IQCM: variants seen among roughly 807,000 people sequenced by gnomAD.
The protein encoded by IQCM is IQ domain-containing protein M.
In IQCM, 45 loss-of-function variants were observed where a neutral mutation model predicts 57.6. That is an observed-to-expected ratio of 0.78 (90% CI 0.62 to 1.00). The LOEUF (loss-of-function observed/expected upper bound fraction) is 1.00, where lower values mean the gene tolerates loss of function less well. Among genes scored for constraint, IQCM ranks in the 50% least tolerant of loss-of-function variants. The probability of loss-of-function intolerance (pLI) is 0.00; values close to 1 mark genes in which losing one functional copy is unlikely to be tolerated. For missense variants in IQCM, 468 were observed against 511.6 expected, an observed-to-expected ratio of 0.91 and a Z score of 0.82; for synonymous variants, 148 against 158.9, an observed-to-expected ratio of 0.93 and a Z score of 0.51.
At position 149,797,289 on chromosome 4, in the gene IQCM, C is replaced by T. The variant is rs372594434; in HGVS notation, c.-49+18022G>A. 9.2e-5 allele frequency among the ~76,000 whole-genome samples: 14 copies of T among 151,996 alleles called. No individual in the cohort carries two copies. In the East Asian group the frequency reaches 2.5e-3, roughly 27 times the overall value. Reference sequence around the variant, plus strand: ...GGCATTTGGCATAATGAAGACTGCACCAGAGTTCTTTAGTAGCAGAACTGA... The same window carrying T: ...GGCATTTGGCATAATGAAGACTGCATCAGAGTTCTTTAGTAGCAGAACTGA... On this transcript the variant is annotated intron_variant, in intron 2 of 13. Coordinates refer to ENST00000636793, the MANE Select transcript of IQCM (RefSeq NM_001363507.2).
intron 7 of IQCM, 31 bp from the exon 8 acceptor site, chr4:149,621,275 A>G (rs1413855402): frequency 2.2e-5 from 23 of 1,046,028 alleles, no homozygotes; most frequent in Non-Finnish European, 9.8e-6. Flanking sequence ...GGTTAAAACA[A>G]TATCTATCCA....
At chr4:149,573,114 G>C (rs1751319237) in intron 9 of IQCM, among the ~76,000 whole-genome samples, 1 of 151,606 alleles carries the variant, frequency 6.6e-6, no homozygotes, top group Non-Finnish European at 1.5e-5. Flanking sequence ...AGGTCATAAA[G>C]GTGTTGTTTT....
At chr4:149,644,157 G>T (rs184188220) in intron 7 of IQCM, among the ~76,000 whole-genome samples, 1 of 152,084 alleles carries the variant, frequency 6.6e-6, no homozygotes, top group Non-Finnish European at 1.5e-5. Context: ...TCCTTTTCTA[G>T]TAAATTAGGT....
chr4:149,447,374 G>A (rs1481869146), intron 12 of IQCM, among the ~76,000 whole-genome samples: 2 of 151,522 alleles, frequency 1.3e-5, no homozygotes, highest in Non-Finnish European at 3.0e-5. Context: ...TGACACAGAT[G>A]ATAGATTTAA....
At chr4:149,416,367 T>C (rs1733750270) in intron 13 of IQCM, among the ~76,000 whole-genome samples, 1 of 152,174 alleles carries the variant, frequency 6.6e-6, no homozygotes, top group Admixed American at 6.6e-5. Context: ...ATGGTCTCTA[T>C]AAATTAGAAG....
At chr4:149,732,652 A>G (rs1466342528) in intron 5 of IQCM, among the ~76,000 whole-genome samples, 1 of 152,204 alleles carries the variant, frequency 6.6e-6, no homozygotes, top group Non-Finnish European at 1.5e-5. Context: ...AAATAACGTA[A>G]GAGGAAAAAA....
chr4:149,748,051 C>T (rs1250984959), intron 2 of IQCM, among the ~76,000 whole-genome samples: 4 of 152,244 alleles, frequency 2.6e-5, no homozygotes, highest in African/African-American at 9.6e-5. Context: ...TTAAAATAGA[C>T]CCATAATATT....
chr4:149,608,463 A>T (rs957932906), intron 8 of IQCM, among the ~76,000 whole-genome samples: 6 of 151,942 alleles, frequency 3.9e-5, no homozygotes, highest in African/African-American at 7.2e-5. Flanking sequence ...CAAAATACAC[A>T]TTCTTCTCCT....
intron 2 of IQCM, among the ~76,000 whole-genome samples, chr4:149,794,803 T>A (rs533418083): frequency 6.6e-6 from 1 of 152,088 alleles, no homozygotes; most frequent in African/African-American, 2.4e-5. Flanking sequence ...AAGATAGATA[T>A]AGATATTTCA....
chr4:149,368,821 T>TATATATACGTATATATATAC (rs1730061005), intron 13 of IQCM, among the ~76,000 whole-genome samples: 1 of 98,784 alleles, frequency 1.0e-5, no homozygotes, highest in Non-Finnish European at 2.0e-5. Flanking sequence ...TATATATACA[T>TATATATACGTATATATATAC]ATATATACAT....
At chr4:149,358,854 T>C (rs1729226361) in intron 13 of IQCM, among the ~76,000 whole-genome samples, 1 of 151,986 alleles carries the variant, frequency 6.6e-6, no homozygotes, top group Non-Finnish European at 1.5e-5. Context: ...CAGTATATCA[T>C]GATATACTCT....
At chr4:149,470,944 G>C (rs1333761195) in intron 12 of IQCM, among the ~76,000 whole-genome samples, 2 of 152,140 alleles carry the variant, frequency 1.3e-5, no homozygotes, top group Non-Finnish European at 2.9e-5. Flanking sequence ...CAACATACCA[G>C]AATCTCTGGG....
chr4:149,549,568 A>T (rs1748821744), intron 11 of IQCM, among the ~76,000 whole-genome samples: 1 of 147,494 alleles, frequency 6.8e-6, no homozygotes, highest in African/African-American at 2.5e-5. Flanking sequence ...TTTTCCATAA[A>T]TAATTTCTTT....
Position 149,621,181 on chromosome 4 carries a change from G to T in IQCM, c.629C>A (p.Ser210Tyr). ...LTRSFRLACD[S>Y]RRVSFSQSSS... The stretch of plus-strand genomic sequence containing the variant: ...TGATTGAGAGAAACTAACTCGACGG[G>T]AGTCACAAGCCAAACGGAAAGACCT... The change falls in exon 8 of 14, where the codon TCC becomes TAC. Residue 210 changes from serine to tyrosine, a missense_variant. Physicochemically the swap from Ser to Tyr is moderately radical, Grantham distance 144 (BLOSUM62 -2). Transcript: ENST00000636793. The T allele has an allele frequency of 8.1e-7, 1 of 1,231,924 alleles. No individual in the cohort carries two copies. The highest frequency in any genetic ancestry group is 1.0e-6 in the Non-Finnish European group (1 of 987,784). The allele number at this position is 1,231,924 out of a possible 1,614,324, so 76.3% of individuals were successfully genotyped here.
intron 7 of IQCM, among the ~76,000 whole-genome samples, chr4:149,675,156 T>C (rs1288434397): frequency 6.6e-6 from 1 of 152,034 alleles, no homozygotes; most frequent in Non-Finnish European, 1.5e-5. Flanking sequence ...CCAAGATAAA[T>C]ATCACCAAAA....
chr4:149,742,350 T>C (rs1389531075), intron 3 of IQCM, among the ~76,000 whole-genome samples: 1 of 152,172 alleles, frequency 6.6e-6, no homozygotes, highest in Non-Finnish European at 1.5e-5. Flanking sequence ...AACTGAATTA[T>C]CAGTTTTTAA....
chr4:149,358,043 A>G (rs1729138230), intron 13 of IQCM, among the ~76,000 whole-genome samples: 1 of 152,152 alleles, frequency 6.6e-6, no homozygotes. Flanking sequence ...AGAGATGTTT[A>G]TAGTATTCTC....
At chr4:149,649,248 G>T (rs1758941227) in intron 7 of IQCM, among the ~76,000 whole-genome samples, 1 of 151,858 alleles carries the variant, frequency 6.6e-6, no homozygotes, top group African/African-American at 2.4e-5. Flanking sequence ...TCATCTGCTG[G>T]GTGATGGAAT....
intron 12 of IQCM, among the ~76,000 whole-genome samples, chr4:149,497,863 T>A (rs190950215): frequency 4.6e-5 from 7 of 152,288 alleles, no homozygotes; most frequent in South Asian, 2.1e-4. Flanking sequence ...AGTATTTTTC[T>A]TTTTGGTTTA....
Sources: gnomAD v4.1 joint callset for allele counts (sites outside exome capture counted in the v4.1 genomes callset) on GRCh38, gnomAD v4.1.1 for gene constraint, MANE v1.5 for transcripts, NCBI Gene and HGNC (gene_info 2026-07-23, HGNC 2026-07-21) for gene names.